Variants in COMMD10 observed in about 807,000 individuals in gnomAD.
COMMD10 encodes the protein COMM domain containing 10.
COMMD10 carries 33 observed loss-of-function variants against 28.9 expected under a neutral mutation model. That is an observed-to-expected ratio of 1.14 (90% CI 0.87 to 1.53). The LOEUF (loss-of-function observed/expected upper bound fraction) is 1.53, where lower values mean the gene tolerates loss of function less well. Ranked by LOEUF, COMMD10 falls within the 40% of genes most tolerant of loss-of-function variation. The probability of loss-of-function intolerance (pLI) is 0.00; values close to 1 mark genes in which losing one functional copy is unlikely to be tolerated. For missense variants in COMMD10, 310 were observed against 233.4 expected (o/e 1.33, Z -2.14); for synonymous variants, 110 against 81.7 (o/e 1.35, Z -1.87).
At chr5:116,235,548 T>C (rs1164851934) in intron 5 of COMMD10, among the ~76,000 whole-genome samples, 1 of 152,192 alleles carries the variant, frequency 6.6e-6, no homozygotes, top group Non-Finnish European at 1.5e-5. Flanking sequence ...AAAGGCATAC[T>C]GGAGATACAA....
intron 5 of COMMD10, among the ~76,000 whole-genome samples, chr5:116,233,378 A>C (rs1342155278): frequency 3.3e-5 from 5 of 152,192 alleles, no homozygotes; most frequent in Non-Finnish European, 7.4e-5. Flanking sequence ...GGTCAGTGCT[A>C]TCAGCAGTTT....
intron 5 of COMMD10, among the ~76,000 whole-genome samples, chr5:116,210,078 G>A (rs1417590753): frequency 6.6e-6 from 1 of 151,864 alleles, no homozygotes; most frequent in African/African-American, 2.4e-5. Context: ...AAAAAATCGG[G>A]GCCAAACTTA....
intron 5 of COMMD10, among the ~76,000 whole-genome samples, chr5:116,152,161 G>A (rs1301509060): frequency 6.6e-6 from 1 of 152,144 alleles, no homozygotes; most frequent in Non-Finnish European, 1.5e-5. Flanking sequence ...ATGTAGTTGA[G>A]TGGTTTTGAG....
At chr5:116,215,057 T>G (rs1749061625) in intron 5 of COMMD10, among the ~76,000 whole-genome samples, 1 of 152,084 alleles carries the variant, frequency 6.6e-6, no homozygotes. Flanking sequence ...TCCTAAAAAG[T>G]AATCCTTAAT....
chr5:116,117,355 C>A (rs1751274454), intron 4 of COMMD10, among the ~76,000 whole-genome samples: 1 of 152,156 alleles, frequency 6.6e-6, no homozygotes, highest in South Asian at 2.1e-4. Context: ...TTTAGTCTCT[C>A]CATGCTACAT....
At chr5:116,122,775 C>T (rs1048648953) in intron 4 of COMMD10, among the ~76,000 whole-genome samples, 1 of 151,954 alleles carries the variant, frequency 6.6e-6, no homozygotes, top group African/African-American at 2.4e-5. Context: ...TGATTTGGCT[C>T]TCTGTCTGTT....
At chr5:116,166,255 C>A (rs3902887) in intron 5 of COMMD10, among the ~76,000 whole-genome samples, 47,128 of 151,876 alleles carry the variant, frequency 0.31, 10,219 homozygotes, top group African/African-American at 0.62. Context: ...TAAAAATGTA[C>A]AATGTTCCTT....
chr5:116,134,151 A>G lies in COMMD10; in HGVS notation c.483A>G (p.Gln161=). Residue 161 remains glutamine, a synonymous_variant, in exon 5 of 7, where the codon CAA becomes CAG. Transcript: ENST00000274458. ...AKLKSPQAVL[Q]LGVNNEDSKS... The stretch of plus-strand genomic sequence containing the variant: ...TAAAATCTCCTCAAGCTGTGTTACA[A>G]CTCGGAGTGAACAATGAAGATTCAA... The G allele has an allele frequency of 6.2e-7, 1 of 1,607,248 alleles. No individual in the cohort carries two copies. Among genetic ancestry groups the G allele is most frequent in the Non-Finnish European group, 8.5e-7 (1 of 1,173,656 alleles).
chr5:116,175,857 C>T (rs544054829), intron 5 of COMMD10, among the ~76,000 whole-genome samples: 1 of 152,000 alleles, frequency 6.6e-6, no homozygotes, highest in Non-Finnish European at 1.5e-5. Flanking sequence ...ATGGTAGTTG[C>T]TAGAGGCCAG....
At chr5:116,221,329 T>G (rs548769113) in intron 5 of COMMD10, among the ~76,000 whole-genome samples, 2 of 152,304 alleles carry the variant, frequency 1.3e-5, no homozygotes, top group East Asian at 3.9e-4. Flanking sequence ...GGAGATGGAT[T>G]TGAGGGTCTC....
In COMMD10 at chr5:116,134,295, T is replaced by TATTA. The variant is rs1751959985; in HGVS notation, c.510+120_510+123dup. 12 of 585,942 alleles carry TATTA rather than the reference T, an allele frequency of 2.0e-5. No homozygotes were observed. The Admixed American group carries it at 3.7e-4, about 18-fold the overall frequency. 36.3% of individuals were successfully genotyped at this position (585,942 alleles called of 1,614,324 possible). On this transcript the variant is annotated intron_variant, in intron 5 of 6. Transcript: ENST00000274458. ...TTTAAACATAATTCAGTTAAACAGTTATTAATAAGTGGATCTTTTTTGACA... is the reference window on the plus strand; with the variant it reads ...TTTAAACATAATTCAGTTAAACAGTTATTAATTAATAAGTGGATCTTTTTTGACA...
chr5:116,252,731 T>G (rs1177413625), intron 5 of COMMD10, among the ~76,000 whole-genome samples: 2 of 131,914 alleles, frequency 1.5e-5, no homozygotes, highest in Non-Finnish European at 3.2e-5. Context: ...AGTCAGGTAG[T>G]GTGATGCCTC....
intron 5 of COMMD10, among the ~76,000 whole-genome samples, chr5:116,226,513 TTTAGAGTCAC>T (rs60532614): frequency 0.11 from 16,437 of 151,560 alleles, 1,328 homozygotes; most frequent in African/African-American, 0.22. Context: ...TAGTAGTGCA[TTTAGAGTCAC>T]TATTTTTCAC....
chr5:116,251,384 T>C (rs1323958282), intron 5 of COMMD10, among the ~76,000 whole-genome samples: 1 of 147,788 alleles, frequency 6.8e-6, no homozygotes, highest in African/African-American at 2.5e-5. Flanking sequence ...GCTGGTGTGC[T>C]GCACCCACTA....
intron 4 of COMMD10, among the ~76,000 whole-genome samples, chr5:116,118,237 T>C (rs1751306614): frequency 6.6e-6 from 1 of 152,230 alleles, no homozygotes; most frequent in Admixed American, 6.5e-5. Flanking sequence ...CATTTTATTA[T>C]CTTATTTTTC....
At chr5:116,112,632 T>C (rs1751089359) in intron 4 of COMMD10, among the ~76,000 whole-genome samples, 1 of 152,142 alleles carries the variant, frequency 6.6e-6, no homozygotes, top group African/African-American at 2.4e-5. Flanking sequence ...TTCACCTCAT[T>C]ATCCGCCTGT....
At chr5:116,187,505 TCAG>T (rs1357743680) in intron 5 of COMMD10, among the ~76,000 whole-genome samples, 3 of 152,046 alleles carry the variant, frequency 2.0e-5, no homozygotes, top group African/African-American at 7.2e-5. Context: ...AAAAAAAAAT[TCAG>T]CAACCTATCT....
At chr5:116,203,760 C>A (rs1190571297) in intron 5 of COMMD10, among the ~76,000 whole-genome samples, 2 of 152,032 alleles carry the variant, frequency 1.3e-5, no homozygotes, top group East Asian at 3.8e-4. Context: ...TGGAAAGGCA[C>A]AACTGGTACC....
chr5:116,180,720 ATT>A (rs1032601855), intron 5 of COMMD10, among the ~76,000 whole-genome samples: 16 of 152,130 alleles, frequency 1.1e-4, no homozygotes, highest in African/African-American at 3.9e-4. Flanking sequence ...TCTTAAAACT[ATT>A]TTTATAAAAT....
Sources: gnomAD v4.1 joint callset for allele counts (sites outside exome capture counted in the v4.1 genomes callset) on GRCh38, gnomAD v4.1.1 for gene constraint, MANE v1.5 for transcripts, NCBI Gene and HGNC (gene_info 2026-07-23, HGNC 2026-07-21) for gene names.